PTPN13: variants seen among roughly 807,000 people sequenced by gnomAD.
PTPN13 encodes the protein protein tyrosine phosphatase non-receptor type 13.
In PTPN13, 191 loss-of-function variants were observed where a neutral mutation model predicts 284.0. That is an observed-to-expected ratio of 0.67 (90% CI 0.60 to 0.76). The LOEUF is 0.76. Ranked by LOEUF, PTPN13 falls within the 30% of genes least tolerant of loss-of-function variation. The probability of loss-of-function intolerance (pLI) is 0.00; values close to 1 mark genes in which losing one functional copy is unlikely to be tolerated. For missense variants in PTPN13, 2,797 were observed against 2,939.9 expected (o/e 0.95, Z 1.12); for synonymous variants, 986 against 1,022.3 (o/e 0.96, Z 0.68).
chr4:86,675,349 T>C (rs1387012498), intron 3 of PTPN13, among the ~76,000 whole-genome samples: 1 of 152,146 alleles, frequency 6.6e-6, no homozygotes, highest in African/African-American at 2.4e-5. Flanking sequence ...ATTCATAACA[T>C]GAAGCAAAGG....
At chr4:86,656,954 C>T (rs1725902522) in intron 2 of PTPN13, among the ~76,000 whole-genome samples, 1 of 152,220 alleles carries the variant, frequency 6.6e-6, no homozygotes, top group South Asian at 2.1e-4. Context: ...CTCGCTGCCG[C>T]CTTGCAGTTT....
intron 1 of PTPN13, among the ~76,000 whole-genome samples, chr4:86,610,888 C>T (rs532212281): frequency 1.2e-4 from 18 of 152,230 alleles, no homozygotes; most frequent in African/African-American, 4.3e-4. Flanking sequence ...ATGATTCCAG[C>T]TGTCTGTTTT....
chr4:86,620,246 G>A (rs1007338134), intron 1 of PTPN13, among the ~76,000 whole-genome samples: 35 of 152,146 alleles, frequency 2.3e-4, no homozygotes, highest in African/African-American at 8.0e-4. Flanking sequence ...GTTCACTGCA[G>A]CCTTGACTTC....
intron 20 of PTPN13, among the ~76,000 whole-genome samples, chr4:86,756,360 A>G (rs1453268422): frequency 1.3e-5 from 2 of 152,026 alleles, no homozygotes; most frequent in Admixed American, 1.3e-4. Flanking sequence ...TTTTTGATAA[A>G]AGGATCTTGG....
intron 1 of PTPN13, among the ~76,000 whole-genome samples, chr4:86,598,119 T>C (rs968665296): frequency 6.6e-6 from 1 of 151,710 alleles, no homozygotes; most frequent in Non-Finnish European, 1.5e-5. Context: ...TTTAATAATA[T>C]ATACTTCTCA....
At chr4:86,643,889 CAATG>C (rs1266798325) in intron 2 of PTPN13, among the ~76,000 whole-genome samples, 1 of 151,946 alleles carries the variant, frequency 6.6e-6, no homozygotes, top group Admixed American at 6.6e-5. Context: ...GTGTACATAA[CAATG>C]AAGTTTAAAA....
intron 10 of PTPN13, among the ~76,000 whole-genome samples, chr4:86,727,042 A>G (rs1734351440): frequency 6.7e-6 from 1 of 149,612 alleles, no homozygotes; most frequent in African/African-American, 2.4e-5. Flanking sequence ...AATTGTGTTA[A>G]AGGCCTTTTC....
chr4:86,600,604 T>C (rs965031416), intron 1 of PTPN13, among the ~76,000 whole-genome samples: 2 of 151,934 alleles, frequency 1.3e-5, no homozygotes, highest in Non-Finnish European at 2.9e-5. Flanking sequence ...GGAACAAAAA[T>C]GAAACATTCT....
chr4:86,632,910 G>A (rs1234121560), intron 1 of PTPN13, among the ~76,000 whole-genome samples: 2 of 152,030 alleles, frequency 1.3e-5, no homozygotes, highest in East Asian at 3.9e-4. Flanking sequence ...CTGGGCTCAA[G>A]CGAGCCTCCC....
chr4:86,642,415 G>C (rs1409839047), intron 2 of PTPN13, among the ~76,000 whole-genome samples: 1 of 137,814 alleles, frequency 7.3e-6, no homozygotes, highest in African/African-American at 2.7e-5. Context: ...ATGCCTTTCA[G>C]TTCATCTTTT....
intron 2 of PTPN13, among the ~76,000 whole-genome samples, chr4:86,642,909 A>G (rs919297155): frequency 6.6e-6 from 1 of 152,206 alleles, no homozygotes; most frequent in Admixed American, 6.5e-5. Flanking sequence ...TTTATGAATA[A>G]TCTTTAGAAG....
rs146770237 is a variant in PTPN13, at chr4:86,791,373, G to A, written c.6345+5437G>A. ...AAGCTTGAACAGGGCAGAGCCCACC[G>A]CAACTCAGCAAGGCCTACTGCCTCT... On this transcript the variant is annotated intron_variant, in intron 40 of 47. Coordinates refer to ENST00000411767, the MANE Select transcript of PTPN13 (RefSeq NM_080683.3). 1.6e-3 allele frequency among the ~76,000 whole-genome samples: 237 copies of A among 152,320 alleles called. 1 individual carries two copies. Among genetic ancestry groups the A allele is most frequent in the African/African-American group, 5.4e-3 (226 of 41,570 alleles).
intron 43 of PTPN13, among the ~76,000 whole-genome samples, chr4:86,804,482 A>G (rs1744440669): frequency 6.6e-6 from 1 of 152,172 alleles, no homozygotes; most frequent in South Asian, 2.1e-4. Context: ...TAATTCTGTT[A>G]TAGATTGTGA....
chr4:86,724,605 A>AT (rs1326389551), intron 10 of PTPN13, among the ~76,000 whole-genome samples: 1 of 152,114 alleles, frequency 6.6e-6, no homozygotes, highest in South Asian at 2.1e-4. Context: ...ACTACCTAGT[A>AT]TTTTTTCTGA....
intron 1 of PTPN13, among the ~76,000 whole-genome samples, chr4:86,623,753 C>G (rs1199978373): frequency 6.6e-6 from 1 of 152,214 alleles, no homozygotes; most frequent in Non-Finnish European, 1.5e-5. Flanking sequence ...ATCTCACTCT[C>G]TCACCTCCTT....
chr4:86,654,142 G>A (rs985595599), intron 2 of PTPN13, among the ~76,000 whole-genome samples: 1 of 152,136 alleles, frequency 6.6e-6, no homozygotes. Context: ...ACATTCAAAA[G>A]CTAGCAGAAG....
At chr4:86,701,864 A>G in intron 7 of PTPN13, 63 bp downstream of exon 7, 2 of 1,431,148 alleles carry the variant, frequency 1.4e-6, no homozygotes, top group South Asian at 3.0e-5. Context: ...TTTGAAATAA[A>G]GAAGGGTTAT....
intron 3 of PTPN13, among the ~76,000 whole-genome samples, chr4:86,678,192 A>G (rs900047601): frequency 6.6e-6 from 1 of 152,220 alleles, no homozygotes; most frequent in Non-Finnish European, 1.5e-5. Context: ...TTTTAAAATT[A>G]GAAAATAACA....
At chr4:86,678,694 A>G (rs528458524) in intron 3 of PTPN13, among the ~76,000 whole-genome samples, 18 of 152,044 alleles carry the variant, frequency 1.2e-4, no homozygotes, top group Non-Finnish European at 1.9e-4. Flanking sequence ...CATTTCCCCA[A>G]TTTCCAAGGA....
Sources: allele counts gnomAD v4.1 joint callset (sites outside exome capture counted in the v4.1 genomes callset), GRCh38; gene constraint gnomAD v4.1.1; transcripts MANE v1.5; gene names NCBI Gene and HGNC (gene_info 2026-07-23, HGNC 2026-07-21).